Variants in POLQ observed in about 807,000 individuals in gnomAD.
The protein encoded by POLQ is epididymis secretory sperm binding protein.
POLQ carries 233 observed loss-of-function variants against 259.2 expected under a neutral mutation model. That is an observed-to-expected ratio of 0.90 (90% confidence interval 0.81 to 1.00). The LOEUF (loss-of-function observed/expected upper bound fraction) is 1.00, where lower values mean the gene tolerates loss of function less well. POLQ is among the 50% of genes least tolerant of loss of function. POLQ has a pLI of 0.00. For missense variants in POLQ, 2,871 were observed against 3,051.6 expected, an observed-to-expected ratio of 0.94 and a Z score of 1.39; for synonymous variants, 1,025 against 1,048.8, an observed-to-expected ratio of 0.98 and a Z score of 0.44.
chr3:121,511,301 G>A (rs2048253832), intron 10 of POLQ, among the ~76,000 whole-genome samples: 1 of 151,214 alleles, frequency 6.6e-6, no homozygotes, highest in Non-Finnish European at 1.5e-5. Context: ...AGGAGGCTGA[G>A]GCACGAGAAT....
chr3:121,499,747 G>C (rs1035527469), intron 12 of POLQ, among the ~76,000 whole-genome samples: 14 of 152,048 alleles, frequency 9.2e-5, no homozygotes, highest in Non-Finnish European at 1.6e-4. Context: ...ATAAGAAATA[G>C]GAAAGTATGT....
chr3:121,474,882 T>C (rs2047913533), intron 20 of POLQ, among the ~76,000 whole-genome samples: 1 of 152,214 alleles, frequency 6.6e-6, no homozygotes, highest in African/African-American at 2.4e-5. Flanking sequence ...TTACCTGATT[T>C]TATTGACAAA....
In POLQ at chr3:121,493,590, C is replaced by A. The variant is rs749984399; in HGVS notation, c.2410G>T (p.Ala804Ser). ...GCATAGAGAACCCTGGCTCTCTGAG[C>A]ATTTAGTAAGGATACCCGAACCAGG... ...CDLVRVSLLN[A>S]QRARVLYASG... Residue 804 changes from alanine (A) to serine (S), a missense_variant, in exon 15 of 30, where the codon GCT becomes TCT. Physicochemically the swap from Ala to Ser is moderately conservative, Grantham distance 99. Coordinates refer to ENST00000264233, the MANE Select transcript of POLQ (RefSeq NM_199420.4). The A allele has an allele frequency of 1.9e-6, 3 of 1,614,108 alleles. No individual in the cohort carries two copies. The Admixed American group carries it at 5.0e-5, about 27-fold the overall frequency.
At chr3:121,483,847 C>T (rs1024049254) in intron 17 of POLQ, among the ~76,000 whole-genome samples, 9 of 151,930 alleles carry the variant, frequency 5.9e-5, no homozygotes, top group African/African-American at 2.2e-4. Context: ...AATATTAATA[C>T]TTGTAAAAAC....
At chr3:121,458,120 T>G (rs933866756) in intron 25 of POLQ, among the ~76,000 whole-genome samples, 2 of 151,916 alleles carry the variant, frequency 1.3e-5, no homozygotes, top group Non-Finnish European at 2.9e-5. Context: ...TCATTCTCAG[T>G]AAACTATCGC....
chr3:121,477,132 A>T (rs2047933934), intron 19 of POLQ, among the ~76,000 whole-genome samples: 1 of 152,150 alleles, frequency 6.6e-6, no homozygotes, highest in Non-Finnish European at 1.5e-5. Flanking sequence ...GACACTCCAT[A>T]CCTGACTTTA....
At chr3:121,470,912 G>A (rs2047878785) in intron 22 of POLQ, among the ~76,000 whole-genome samples, 1 of 152,186 alleles carries the variant, frequency 6.6e-6, no homozygotes, top group South Asian at 2.1e-4. Flanking sequence ...TGGGATTACA[G>A]GCGGCAGCCA....
intron 12 of POLQ, among the ~76,000 whole-genome samples, chr3:121,506,336 T>C (rs538935604): frequency 6.6e-6 from 1 of 151,646 alleles, no homozygotes; most frequent in African/African-American, 2.4e-5. Flanking sequence ...GCAAAAGACA[T>C]GGACAATTCA....
At chr3:121,512,408 G>A (rs1251774091) in intron 9 of POLQ, among the ~76,000 whole-genome samples, 2 of 152,150 alleles carry the variant, frequency 1.3e-5, no homozygotes, top group African/African-American at 2.4e-5. Context: ...GCACTGAGAT[G>A]GGTCTGCACA....
chr3:121,453,926 T>G (rs973629011), intron 25 of POLQ, among the ~76,000 whole-genome samples: 19 of 152,106 alleles, frequency 1.2e-4, no homozygotes, highest in Admixed American at 3.3e-4. Flanking sequence ...AGACACATAA[T>G]TGTCAGATTC....
chr3:121,523,820 C>A (rs2108814186), intron 7 of POLQ, among the ~76,000 whole-genome samples: 2 of 151,978 alleles, frequency 1.3e-5, no homozygotes, highest in South Asian at 2.1e-4. Context: ...TAAATATGTA[C>A]CTTATATTTC....
At position 121,467,572 on chromosome 3, in the gene POLQ, T is replaced by C; in HGVS notation, c.6914A>G (p.Asp2305Gly). The change falls in exon 24 of 30, where the codon GAC becomes GGC. Residue 2305 changes from aspartate to glycine, a missense_variant. Asp to Gly is a moderately conservative substitution (Grantham distance 94). This residue lies in a region of POLQ where 2,080 missense variants were observed against 2,126.0 expected (regional missense o/e 0.98). Transcript: ENST00000264233. Reference protein sequence around the residue: ...CQAQMEERAADRGMPFSISMR... With the variant: ...CQAQMEERAAGRGMPFSISMR... Reference sequence around the variant, plus strand: ...GCTAATTGAAAATGGCATTCCTCTGTCTGCAGCTCTCTCCTCCATCTGTGC... The same window carrying C: ...GCTAATTGAAAATGGCATTCCTCTGCCTGCAGCTCTCTCCTCCATCTGTGC... The C allele has an allele frequency of 2.5e-6, 4 of 1,613,988 alleles. No individual in the cohort carries two copies. The highest frequency in any genetic ancestry group is 3.4e-6 in the Non-Finnish European group (4 of 1,179,828).
At chr3:121,538,707 C>G (rs2048468103) in intron 4 of POLQ, among the ~76,000 whole-genome samples, 2 of 151,940 alleles carry the variant, frequency 1.3e-5, no homozygotes, top group Non-Finnish European at 2.9e-5. Context: ...AATGGGGTCA[C>G]AAGTAATAAG....
rs1000693658 is a variant in POLQ at position 121,490,106 on chromosome 3, G to T, written c.2825C>A (p.Thr942Lys). 3 of 1,599,994 alleles carry T rather than the reference G, an allele frequency of 1.9e-6. No individual in the cohort carries two copies. Among genetic ancestry groups the T allele is most frequent in the Admixed American group, 3.4e-5 (2 of 58,960 alleles). The change falls in exon 16 of 30, where the codon ACA (threonine) becomes AAA (lysine). Residue 942 changes from threonine to lysine, a missense_variant. Thr to Lys is a moderately conservative substitution (Grantham distance 78). Around this residue, in one of 3 missense-constraint regions of POLQ, gnomAD observed 2,080 missense variants for 2,126.0 expected, o/e 0.98. Coordinates refer to ENST00000264233, the MANE Select transcript of POLQ (RefSeq NM_199420.4). ...CTTAATATAAGAATCACTAAATATT[G>T]TGTTACTTTTGTTCTTTGATGTTAA... ...KKLTSKNKSN[T>K]IFSDSYIKHS...
chr3:121,445,132 C>G (rs776568659), intron 26 of POLQ, among the ~76,000 whole-genome samples: 4 of 152,114 alleles, frequency 2.6e-5, no homozygotes, highest in African/African-American at 4.8e-5. Flanking sequence ...CAGAATGAGT[C>G]TGGAAGTGTT....
chr3:121,520,165 C>T, intron 8 of POLQ, 82 bp from the exon 9 acceptor site: 1 of 782,878 alleles, frequency 1.3e-6, no homozygotes. Context: ...ATTTGAGAGT[C>T]TGCTTCAAGC....
At chr3:121,457,969 A>G (rs2047756692) in intron 25 of POLQ, among the ~76,000 whole-genome samples, 1 of 152,234 alleles carries the variant, frequency 6.6e-6, no homozygotes, top group South Asian at 2.1e-4. Flanking sequence ...ACAAGAGCAA[A>G]GACTTGGAAC....
intron 22 of POLQ, 143 bp from the exon 23 acceptor site, chr3:121,468,574 C>T (rs1422172245): frequency 1.7e-6 from 1 of 576,332 alleles, no homozygotes; most frequent in African/African-American, 1.9e-5. Context: ...TATTTTTCAT[C>T]ATGTTCATGT....
In POLQ at chr3:121,432,045, CA is replaced by C. The variant is rs1295882418; in HGVS notation, c.*258del. The C allele has an allele frequency of 2.7e-6, 1 of 363,712 alleles. No homozygotes were observed. Among genetic ancestry groups the C allele is most frequent in the Admixed American group, 4.7e-5 (1 of 21,166 alleles). 22.5% of individuals were successfully genotyped at this position (363,712 alleles called of 1,614,324 possible). ...ATATGTTTAAAGCCACAGTAAGTTACAAAAGGCAAATTCATAGATGCTCTTT... is the reference window on the plus strand; with the variant it reads ...ATATGTTTAAAGCCACAGTAAGTTACAAAGGCAAATTCATAGATGCTCTTT... On this transcript the variant is annotated 3_prime_UTR_variant, in exon 30 of 30. Transcript: ENST00000264233.
Sources: allele counts gnomAD v4.1 joint callset (sites outside exome capture counted in the v4.1 genomes callset), GRCh38; gene constraint gnomAD v4.1.1; regional missense constraint gnomAD v4.1.1; transcripts MANE v1.5; gene names NCBI Gene and HGNC (gene_info 2026-07-23, HGNC 2026-07-21).